SIL1: variants seen among roughly 807,000 people sequenced by gnomAD.
SIL1 encodes the protein nucleotide exchange factor SIL1.
Under a neutral mutation model 49.1 loss-of-function variants are expected in SIL1, and 40 were observed. The observed-to-expected ratio is 0.81, with a 90% CI of 0.63 to 1.06. SIL1 has a LOEUF of 1.06. SIL1 is among the 50% of genes least tolerant of loss of function. SIL1 has a pLI of 0.00. For missense variants in SIL1, 500 were observed against 572.6 expected (o/e 0.87, Z 1.29); for synonymous variants, 253 against 250.8 (o/e 1.01, Z -0.08).
At chr5:139,109,780 CT>C (rs67556338) in intron 3 of SIL1, among the ~76,000 whole-genome samples, 45,475 of 130,732 alleles carry the variant, frequency 0.35, 6,931 homozygotes, top group Middle Eastern at 0.4. Context: ...TCCCCTCTGT[CT>C]TTTTTTTTTT....
intron 7 of SIL1, among the ~76,000 whole-genome samples, chr5:138,962,258 GGTTA>G (rs1767037947): frequency 6.6e-6 from 1 of 151,600 alleles, no homozygotes; most frequent in African/African-American, 2.4e-5. Context: ...TTGATTGGTT[GGTTA>G]GTTTTTTGGT....
intron 5 of SIL1, among the ~76,000 whole-genome samples, chr5:139,040,570 C>T (rs1769025231): frequency 7.2e-6 from 1 of 139,492 alleles, no homozygotes; most frequent in Non-Finnish European, 1.5e-5. Context: ...GCAATCTAGG[C>T]TCACTGCAAC....
chr5:139,160,143 T>TCA (rs57028301), intron 1 of SIL1, among the ~76,000 whole-genome samples: 24,414 of 137,388 alleles, frequency 0.18, 2,145 homozygotes, highest in East Asian at 0.44. Context: ...ATTTCCACAA[T>TCA]CACACACACA....
chr5:138,968,850 C>A (rs2150390568), intron 7 of SIL1, among the ~76,000 whole-genome samples: 1 of 152,292 alleles, frequency 6.6e-6, no homozygotes, highest in African/African-American at 2.4e-5. Context: ...GGGCACATGA[C>A]CTCCCTCCCT....
At chr5:138,998,812 T>G (rs1767927515) in intron 7 of SIL1, among the ~76,000 whole-genome samples, 1 of 152,064 alleles carries the variant, frequency 6.6e-6, no homozygotes, top group African/African-American at 2.4e-5. Flanking sequence ...CTTTTTGTTT[T>G]TCCCTCATGA....
chr5:138,966,615 C>G, intron 7 of SIL1, among the ~76,000 whole-genome samples: 1 of 152,020 alleles, frequency 6.6e-6, no homozygotes, highest in East Asian at 1.9e-4. Flanking sequence ...ACAGAAATGC[C>G]AAAAACAAAC....
chr5:139,011,854 T>C (rs551001255), intron 7 of SIL1, among the ~76,000 whole-genome samples: 9 of 151,894 alleles, frequency 5.9e-5, no homozygotes, highest in African/African-American at 2.2e-4. Context: ...AACTACGTTT[T>C]AAAAAAAACC....
chr5:138,956,269 T>G (rs1766899328), intron 7 of SIL1, among the ~76,000 whole-genome samples: 1 of 152,224 alleles, frequency 6.6e-6, no homozygotes, highest in Admixed American at 6.5e-5. Flanking sequence ...CTCACCTTCT[T>G]GCCCAGAAAG....
intron 3 of SIL1, among the ~76,000 whole-genome samples, chr5:139,114,148 T>C (rs1004991674): frequency 2.0e-5 from 3 of 152,154 alleles, no homozygotes; most frequent in Non-Finnish European, 4.4e-5. Context: ...AGGGCAGACA[T>C]GCTTTGGTGT....
chr5:139,146,988 T>A (rs1435041820), intron 1 of SIL1, among the ~76,000 whole-genome samples: 1 of 152,224 alleles, frequency 6.6e-6, no homozygotes, highest in East Asian at 1.9e-4. Context: ...ATGGGACTCC[T>A]TCCTCATCCA....
At chr5:139,112,719 T>TG (rs1238351988) in intron 3 of SIL1, among the ~76,000 whole-genome samples, 3 of 148,322 alleles carry the variant, frequency 2.0e-5, no homozygotes, top group African/African-American at 5.0e-5. Flanking sequence ...GTGCGGGAGG[T>TG]GGGGGGCGCC....
At chr5:139,056,526 C>CAGCT in intron 3 of SIL1, among the ~76,000 whole-genome samples, 1 of 149,962 alleles carries the variant, frequency 6.7e-6, no homozygotes, top group East Asian at 2.0e-4. Context: ...CCAGGCCAGC[C>CAGCT]GCCCCGTCCG....
chr5:139,138,306 G>C (rs1438889558), intron 1 of SIL1, among the ~76,000 whole-genome samples: 3 of 152,116 alleles, frequency 2.0e-5, no homozygotes, highest in Non-Finnish European at 2.9e-5. Context: ...TGGTGAATGG[G>C]GCTTGCCTAA....
intron 1 of SIL1, among the ~76,000 whole-genome samples, chr5:139,157,728 CTG>C (rs1434750329): frequency 1.3e-5 from 2 of 152,170 alleles, no homozygotes; most frequent in African/African-American, 2.4e-5. Context: ...ACAGAGGACA[CTG>C]TGGCTGCTGT....
At chr5:139,163,556 G>A (rs549841715) in intron 1 of SIL1, among the ~76,000 whole-genome samples, 20 of 152,092 alleles carry the variant, frequency 1.3e-4, no homozygotes, top group African/African-American at 4.8e-4. Flanking sequence ...TTTTGGTAGA[G>A]ATGGGGTTTC....
At chr5:139,051,468 C>A (rs1769282696) in intron 3 of SIL1, among the ~76,000 whole-genome samples, 1 of 152,164 alleles carries the variant, frequency 6.6e-6, no homozygotes, top group African/African-American at 2.4e-5. Flanking sequence ...CCTCGACAGT[C>A]AGTCCCACAG....
chr5:139,116,679 C>G (rs1001870781), intron 3 of SIL1, among the ~76,000 whole-genome samples: 1 of 152,212 alleles, frequency 6.6e-6, no homozygotes, highest in Admixed American at 6.5e-5. Flanking sequence ...TTCACAGACA[C>G]CAAGTTACCA....
At chr5:139,153,500 G>A (rs1305555532) in intron 1 of SIL1, among the ~76,000 whole-genome samples, 1 of 152,148 alleles carries the variant, frequency 6.6e-6, no homozygotes, top group Non-Finnish European at 1.5e-5. Flanking sequence ...AGATGATTTA[G>A]AGTCTCTGTT....
intron 1 of SIL1, among the ~76,000 whole-genome samples, chr5:139,134,122 T>A (rs1363068901): frequency 6.6e-6 from 1 of 152,160 alleles, no homozygotes; most frequent in African/African-American, 2.4e-5. Flanking sequence ...TATTAGTTGT[T>A]TTGTTTGTTT....
Sources: allele counts gnomAD v4.1 joint callset (sites outside exome capture counted in the v4.1 genomes callset), GRCh38; gene constraint gnomAD v4.1.1; transcripts MANE v1.5; gene names NCBI Gene and HGNC (gene_info 2026-07-23, HGNC 2026-07-21).